The following COQ8B variants were observed in gnomAD, a reference collection of about 807,000 sequenced individuals.
The protein encoded by COQ8B is coenzyme Q8B.
COQ8B carries 44 observed loss-of-function variants against 62.0 expected under a neutral mutation model. That is an observed-to-expected ratio of 0.71 (90% CI 0.56 to 0.91). COQ8B has a LOEUF of 0.91. COQ8B is among the 40% of genes least tolerant of loss of function. The pLI, the probability that COQ8B is intolerant of heterozygous loss-of-function variation, is 0.00. For synonymous variants in COQ8B, 252 were observed against 289.9 expected (o/e 0.87, Z 1.33); for missense variants, 649 against 731.6 (o/e 0.89, Z 1.30).
rs140158017 is a variant in COQ8B at position 40,702,535 on chromosome 19, G to A, written c.893+65C>T. 1.1e-4 allele frequency: 170 copies of A among 1,479,916 alleles called. No homozygotes were observed. The African/African-American group carries it at 2.1e-3, about 19-fold the overall frequency. The allele number at this position is 1,479,916 out of a possible 1,614,324, so 91.7% of individuals were successfully genotyped here. On this transcript the variant is annotated intron_variant, in intron 10 of 14. Coordinates refer to ENST00000324464, the MANE Select transcript of COQ8B (RefSeq NM_024876.4). The stretch of plus-strand genomic sequence containing the variant: ...CAGCTCCAGCTGCCAGAAGCTGAGG[G>A]GGCAGCTACTTCCCACCCAGCCTGG...
intron 12 of COQ8B, among the ~76,000 whole-genome samples, chr19:40,699,461 G>A (rs1446819767): frequency 1.3e-5 from 2 of 152,060 alleles, no homozygotes; most frequent in Admixed American, 6.6e-5. Context: ...ACCACTCTAG[G>A]TCATCGCTGT....
chr19:40,696,139 C>T (rs2082013298), intron 12 of COQ8B, 85 bp from the exon 13 acceptor site: 2 of 1,437,346 alleles, frequency 1.4e-6, no homozygotes, highest in Admixed American at 3.4e-5. Context: ...CTGTCTCCCT[C>T]CCCATGACCC....
chr19:40,710,545 C>G (rs1279469542), intron 4 of COQ8B, among the ~76,000 whole-genome samples: 1 of 152,158 alleles, frequency 6.6e-6, no homozygotes, highest in Non-Finnish European at 1.5e-5. Flanking sequence ...ACACCGCACT[C>G]AGTCTTGTCT....
Position 40,703,792 on chromosome 19 carries a change from GC to G in COQ8B, c.639del (p.Phe215LeufsTer14), listed in dbSNP as rs1424376705. The G allele has an allele frequency of 2.0e-5, 33 of 1,614,036 alleles. No homozygotes were observed. The highest frequency in any genetic ancestry group is 2.8e-5 in the Non-Finnish European group (33 of 1,180,010). ...WQAKVASLEE[V>X]PFAAASIGQV... is the part of the protein sequence containing the mutation. ...TGCCCAATTGAGGCAGCGGCAAAGG[GC>G]ACCTCCTCCAAGGAGGCCACCTTGG... On this transcript the variant is annotated frameshift_variant, in exon 8 of 15. Transcript: ENST00000324464. LOFTEE classifies it high-confidence loss of function.
intron 12 of COQ8B, among the ~76,000 whole-genome samples, chr19:40,698,519 CAA>C (rs2082036983): frequency 6.7e-6 from 1 of 149,132 alleles, no homozygotes; most frequent in African/African-American, 2.5e-5. Context: ...GCCTGGGCAA[CAA>C]GAGCAAAACT....
Position 40,714,652 on chromosome 19 carries a change from G to C in COQ8B, c.-3-17C>G. On this transcript the variant is annotated splice_polypyrimidine_tract_variant and intron_variant, in intron 1 of 14. Transcript: ENST00000324464. The stretch of plus-strand genomic sequence containing the variant: ...CCACATTGCCTGGAGGAGAAGAGGA[G>C]GGATTATTCAGGTGGGAGTTGCCTG... The C allele has an allele frequency of 1.3e-6, 2 of 1,574,996 alleles. No individual in the cohort carries two copies. The highest frequency in any genetic ancestry group is 1.7e-6 in the Non-Finnish European group (2 of 1,162,702).
intron 9 of COQ8B, among the ~76,000 whole-genome samples, chr19:40,702,965 T>A (rs1023874910): frequency 6.6e-6 from 1 of 150,584 alleles, no homozygotes; most frequent in Non-Finnish European, 1.5e-5. Context: ...CACATTTCCC[T>A]CGTCCTTCAT....
rs2082049313 is a variant in COQ8B at position 40,700,079 on chromosome 19, G to A, written c.1131C>T (p.Ala377=). 6.2e-7 allele frequency: 1 copy of A among 1,614,192 alleles called. No individual in the cohort carries two copies. Among genetic ancestry groups the A allele is most frequent in the Non-Finnish European group, 8.5e-7 (1 of 1,180,008 alleles). ...ACTAGGAACCAACCTGGTGGCTGGA[G>A]GCATCATACAGGAAGTTGGCCCAGT... ...DPNWANFLYD[A]SSHQVTLLDF... is the part of the protein sequence containing the mutation. Residue 377 remains alanine (A), a synonymous_variant, in exon 12 of 15, where the codon GCC becomes GCT. Coordinates refer to ENST00000324464, the MANE Select transcript of COQ8B (RefSeq NM_024876.4).
intron 5 of COQ8B, among the ~76,000 whole-genome samples, chr19:40,709,280 T>C (rs746870883): frequency 7.2e-5 from 11 of 152,262 alleles, no homozygotes; most frequent in Non-Finnish European, 1.2e-4. Context: ...TCCAAACTGA[T>C]ATGCAATCAT....
intron 12 of COQ8B, among the ~76,000 whole-genome samples, chr19:40,697,851 T>TATAGAGAGAGAGAGAGAGAGAG (rs1446181673): frequency 4.6e-4 from 25 of 54,726 alleles, no homozygotes; most frequent in African/African-American, 1.3e-3. Flanking sequence ...TATATATATA[T>TATAGAGAGAGAGAGAGAGAGAG]AGAGAGAGAG....
rs2081973054 is a variant in COQ8B, at chr19:40,691,655, A to T, written c.*380T>A. The T allele has an allele frequency of 6.3e-6, 1 of 159,506 alleles. No individual in the cohort carries two copies. The highest frequency in any genetic ancestry group is 2.1e-4 in the South Asian group (1 of 4,858). 9.9% of individuals were successfully genotyped at this position (159,506 alleles called of 1,614,324 possible). A position where few individuals can be genotyped will look rare whatever the true frequency, so the allele number is the denominator to read the frequency against. On this transcript the variant is annotated 3_prime_UTR_variant, in exon 15 of 15. Transcript: ENST00000324464. ...CAGCTGTTGGAGGAGCGAGGGAGGC[A>T]GAGGTGAGGACTGCCTCCAGGACCA...
At chr19:40,693,466 C>G (rs917662769) in intron 13 of COQ8B, among the ~76,000 whole-genome samples, 2 of 152,196 alleles carry the variant, frequency 1.3e-5, no homozygotes, top group African/African-American at 4.8e-5. Context: ...TGGGTTTAGT[C>G]GCACGGGGCA....
chr19:40,697,851 T>TAGAGAGAGAGAGAGAGAGAGAGAG (rs1290386996), intron 12 of COQ8B, among the ~76,000 whole-genome samples: 14 of 54,726 alleles, frequency 2.6e-4, no homozygotes, highest in African/African-American at 8.8e-4. Flanking sequence ...TATATATATA[T>TAGAGAGAGAGAGAGAGAGAGAGAG]AGAGAGAGAG....
rs760724485 is a variant in COQ8B at position 40,702,847 on chromosome 19, G to A, written c.800-154C>T. Among the ~76,000 whole-genome samples, 7 of 151,452 alleles carry A rather than the reference G, an allele frequency of 4.6e-5. No homozygotes were observed. The Middle Eastern group carries it at 0.014, about 294-fold the overall frequency. ...CATCTGTCCCTCTCCTGTCTCCCAC[G>A]CAGCTCCTGCTCCTGCCTCTGACCT... On this transcript the variant is annotated intron_variant, in intron 9 of 14. Transcript: ENST00000324464.
chr19:40,714,816 G>A (rs2082172411), intron 1 of COQ8B, 181 bp from the exon 2 acceptor site: 2 of 1,337,976 alleles, frequency 1.5e-6, no homozygotes, highest in East Asian at 3.0e-5. Flanking sequence ...AGCTCTTCCT[G>A]CAGGCCTCCC....
intron 4 of COQ8B, among the ~76,000 whole-genome samples, chr19:40,711,702 A>G (rs2082143082): frequency 6.6e-6 from 1 of 151,734 alleles, no homozygotes; most frequent in Admixed American, 6.6e-5. Context: ...TTTTGTTGTC[A>G]CCATCTCTGT....
chr19:40,710,840 A>C (rs1308342983), intron 4 of COQ8B, among the ~76,000 whole-genome samples: 1 of 152,140 alleles, frequency 6.6e-6, no homozygotes, highest in African/African-American at 2.4e-5. Flanking sequence ...CAAGGTTAAG[A>C]AGGCCCCTCG....
At position 40,700,170 on chromosome 19, in the gene COQ8B, CA is replaced by C; in HGVS notation, c.1039del (p.Cys347AlafsTer5). The C allele has an allele frequency of 6.2e-7, 1 of 1,614,208 alleles. No homozygotes were observed. Among genetic ancestry groups the C allele is most frequent in the Non-Finnish European group, 8.5e-7 (1 of 1,180,026 alleles). On this transcript the variant is annotated frameshift_variant, in exon 12 of 15. Coordinates refer to ENST00000324464, the MANE Select transcript of COQ8B (RefSeq NM_024876.4). LOFTEE classifies it high-confidence loss of function. The stretch of plus-strand genomic sequence containing the variant: ...CAGACACAGCGTCAGGAGCTGGAAG[CA>C]AATCTGGGGTGGGGAGAATTAACAG... ...GLSQDLRNQICFQLLTLCLRE... is the reference protein window; with the variant it reads ...GLSQDLRNQIXFQLLTLCLRE...
chr19:40,707,456 G>GT (rs544149159), intron 5 of COQ8B, among the ~76,000 whole-genome samples: 9,299 of 142,118 alleles, frequency 0.065, 422 homozygotes, highest in African/African-American at 0.14. Context: ...TTTACTTAGT[G>GT]TTTTTTTTTT....
Sources: allele counts gnomAD v4.1 joint callset (sites outside exome capture counted in the v4.1 genomes callset), GRCh38; gene constraint gnomAD v4.1.1; transcripts MANE v1.5; gene names NCBI Gene and HGNC (gene_info 2026-07-23, HGNC 2026-07-21).